CALN1: variants seen among roughly 807,000 people sequenced by gnomAD.
The protein encoded by CALN1 is calneuron 1, also known as calcium-binding protein 8.
A neutral mutation model predicts 30.6 loss-of-function variants in CALN1; 17 were observed. The ratio of observed to expected loss-of-function variants is 0.56; its 90% CI spans 0.38 to 0.83. The LOEUF (loss-of-function observed/expected upper bound fraction) is 0.83. CALN1 is among the 40% of genes least tolerant of loss of function. The pLI is 0.00. For missense variants in CALN1, 291 were observed against 354.9 expected, an observed-to-expected ratio of 0.82 and a Z score of 1.45; for synonymous variants, 156 against 131.4, an observed-to-expected ratio of 1.19 and a Z score of -1.28.
intron 3 of CALN1, among the ~76,000 whole-genome samples, chr7:72,246,718 CAGTT>C (rs1183290720): frequency 2.0e-5 from 3 of 150,732 alleles, no homozygotes; most frequent in East Asian, 1.9e-4. Flanking sequence ...CCCATCCTCA[CAGTT>C]AGGCCAATGA....
rs1346286669 is a variant in CALN1 at position 72,161,635 on chromosome 7, AAAG to A, written c.245-55344_245-55342del. Among the ~76,000 whole-genome samples the A allele has an allele frequency of 2.0e-5, 3 of 152,324 alleles. No individual in the cohort carries two copies. In the South Asian group the frequency reaches 6.2e-4, roughly 32 times the overall value. On this transcript the variant is annotated intron_variant, in intron 3 of 6. Transcript: ENST00000395275. The stretch of plus-strand genomic sequence containing the variant: ...GCCTGAAGGAGGTAGAATGCTGGGC[AAAG>A]AAGACTCAACTATTTTGAGCTAGAA...
At chr7:72,446,635 C>T (rs545117044) in intron 1 of CALN1, among the ~76,000 whole-genome samples, 2 of 152,216 alleles carry the variant, frequency 1.3e-5, no homozygotes, top group African/African-American at 2.4e-5. Flanking sequence ...ATGTTCTGAC[C>T]GAGTGGCAGG....
At chr7:71,812,803 G>A (rs1788033298) in intron 5 of CALN1, among the ~76,000 whole-genome samples, 2 of 151,702 alleles carry the variant, frequency 1.3e-5, no homozygotes, top group Non-Finnish European at 2.9e-5. Context: ...ATATGCTGTG[G>A]TGTGATCACA....
intron 2 of CALN1, among the ~76,000 whole-genome samples, chr7:72,371,636 C>T (rs951179133): frequency 3.9e-5 from 6 of 152,132 alleles, no homozygotes; most frequent in African/African-American, 1.4e-4. Flanking sequence ...TTGGGCAGTT[C>T]TTTATAGCAG....
intron 6 of CALN1, among the ~76,000 whole-genome samples, chr7:71,807,449 TA>T (rs1460804252): frequency 6.6e-6 from 1 of 152,186 alleles, no homozygotes; most frequent in African/African-American, 2.4e-5. Flanking sequence ...GAAAAATTCT[TA>T]AACCTAAACA....
intron 5 of CALN1, among the ~76,000 whole-genome samples, chr7:71,858,092 C>T (rs925789484): frequency 1.2e-4 from 18 of 152,292 alleles, no homozygotes; most frequent in African/African-American, 2.4e-4. Flanking sequence ...ATAATCCCCA[C>T]GTGTCATGGG....
intron 5 of CALN1, among the ~76,000 whole-genome samples, chr7:71,888,450 A>C (rs1181846807): frequency 6.8e-6 from 1 of 147,710 alleles, no homozygotes; most frequent in African/African-American, 2.6e-5. Context: ...AGAGAGAAAG[A>C]CATTTTTTCT....
At chr7:72,413,363 CCA>C (rs562655216), upstream of CALN1, among the ~76,000 whole-genome samples, 11 of 151,788 alleles carry the variant, frequency 7.2e-5, no homozygotes, top group Non-Finnish European at 1.6e-4. Flanking sequence ...ATACACTCAT[CCA>C]CACACACCCA....
intron 4 of CALN1, among the ~76,000 whole-genome samples, chr7:72,082,670 A>G (rs1180139156): frequency 1.3e-5 from 2 of 152,194 alleles, no homozygotes; most frequent in Non-Finnish European, 2.9e-5. Flanking sequence ...CAAGCTCTGC[A>G]AAACAGAAAG....
intron 3 of CALN1, among the ~76,000 whole-genome samples, chr7:72,135,578 A>C (rs1296633113): frequency 6.6e-6 from 1 of 152,224 alleles, no homozygotes; most frequent in Non-Finnish European, 1.5e-5. Context: ...AGCTTAAAAT[A>C]TTCAATAAAC....
At chr7:71,945,022 G>C (rs1196940808) in intron 5 of CALN1, among the ~76,000 whole-genome samples, 1 of 152,162 alleles carries the variant, frequency 6.6e-6, no homozygotes, top group African/African-American at 2.4e-5. Context: ...GAGGGGCATG[G>C]GTCATAGGGG....
At chr7:72,368,246 A>C (rs1036361897) in intron 2 of CALN1, among the ~76,000 whole-genome samples, 1 of 150,454 alleles carries the variant, frequency 6.6e-6, no homozygotes, top group Non-Finnish European at 1.5e-5. Context: ...CTAGGATGCT[A>C]GTAATGTTCT....
chr7:72,098,801 C>CACACACACAG (rs1422585433), intron 4 of CALN1, among the ~76,000 whole-genome samples: 4 of 151,116 alleles, frequency 2.6e-5, no homozygotes, highest in African/African-American at 9.7e-5. Context: ...CACACACACA[C>CACACACACAG]AGCCAGTCCC....
chr7:71,881,835 G>A (rs1792586457), intron 5 of CALN1, among the ~76,000 whole-genome samples: 1 of 151,894 alleles, frequency 6.6e-6, no homozygotes, highest in Admixed American at 6.6e-5. Context: ...CACTTTGGGA[G>A]ACGTAGGTGG....
chr7:72,149,698 A>T (rs150703531), intron 3 of CALN1, among the ~76,000 whole-genome samples: 1 of 152,010 alleles, frequency 6.6e-6, no homozygotes, highest in Non-Finnish European at 1.5e-5. Flanking sequence ...TTGTTCTCCT[A>T]TCTCCTCACA....
chr7:72,071,999 A>G (rs1804428402), intron 4 of CALN1, among the ~76,000 whole-genome samples: 1 of 152,204 alleles, frequency 6.6e-6, no homozygotes, highest in Non-Finnish European at 1.5e-5. Flanking sequence ...GGAAAAAAAG[A>G]CTGAAGAAAA....
intron 5 of CALN1, among the ~76,000 whole-genome samples, chr7:71,865,770 T>G (rs975272578): frequency 6.6e-6 from 1 of 152,158 alleles, no homozygotes; most frequent in African/African-American, 2.4e-5. Context: ...TAAAATTCAT[T>G]TAACTATACA....
chr7:72,369,790 C>A (rs796524513), intron 2 of CALN1, among the ~76,000 whole-genome samples: 15 of 152,188 alleles, frequency 9.9e-5, no homozygotes, highest in African/African-American at 3.4e-4. Context: ...TGAAATTCAC[C>A]CATGTTGTGT....
intron 5 of CALN1, among the ~76,000 whole-genome samples, chr7:71,867,822 T>A (rs1282152657): frequency 6.6e-6 from 1 of 152,180 alleles, no homozygotes; most frequent in Admixed American, 6.5e-5. Flanking sequence ...GACAGCTATG[T>A]CAGGGCTGTG....
Sources: gnomAD v4.1 joint callset for allele counts (sites outside exome capture counted in the v4.1 genomes callset) on GRCh38, gnomAD v4.1.1 for gene constraint, MANE v1.5 for transcripts, NCBI Gene and HGNC (gene_info 2026-07-23, HGNC 2026-07-21) for gene names.